Variants in MYO1E observed in about 807,000 individuals in gnomAD.
The protein encoded by MYO1E is unconventional myosin-Ie.
Under a neutral mutation model 151.1 loss-of-function variants are expected in MYO1E, and 68 were observed. The ratio of observed to expected loss-of-function variants is 0.45; its 90% CI spans 0.37 to 0.55. MYO1E has a LOEUF of 0.55. Ranked by LOEUF, MYO1E falls within the 20% of genes least tolerant of loss-of-function variation. MYO1E has a pLI of 0.00. For missense variants in MYO1E, 1,363 were observed against 1,389.3 expected (o/e 0.98, Z 0.30); for synonymous variants, 601 against 501.7 (o/e 1.20, Z -2.64).
chr15:59,354,371 C>T (rs10851651), intron 1 of MYO1E, among the ~76,000 whole-genome samples: 146,932 of 152,248 alleles, frequency 0.97, 71,112 homozygotes, highest in East Asian at 1. Flanking sequence ...CAGGAAATTT[C>T]ACATTCTGAA....
At chr15:59,325,794 G>T (rs1449741402) in intron 1 of MYO1E, among the ~76,000 whole-genome samples, 1 of 152,086 alleles carries the variant, frequency 6.6e-6, no homozygotes, top group African/African-American at 2.4e-5. Flanking sequence ...CATCTGTAGT[G>T]CTCAATGTCA....
Position 59,210,470 on chromosome 15 carries a change from G to A in MYO1E, c.1362+44C>T, listed in dbSNP as rs780798148. 4 of 1,305,338 alleles carry A rather than the reference G, an allele frequency of 3.1e-6. No homozygotes were observed. In the South Asian group the frequency reaches 3.5e-5, roughly 12 times the overall value. 80.9% of individuals were successfully genotyped at this position (1,305,338 alleles called of 1,614,324 possible). ...CACAGAGAATAAAAACTCACTTAAT[G>A]TAAACCTGTGAGCAGTGAAAAGACA... On this transcript the variant is annotated intron_variant, in intron 13 of 27. Transcript: ENST00000288235.
intron 1 of MYO1E, among the ~76,000 whole-genome samples, chr15:59,294,782 A>G (rs1409358735): frequency 1.3e-5 from 2 of 152,066 alleles, no homozygotes; most frequent in African/African-American, 4.8e-5. Flanking sequence ...TGCCAGTGCT[A>G]TTTCCCACAA....
chr15:59,182,464 C>A (rs1433384518), intron 18 of MYO1E, among the ~76,000 whole-genome samples: 5 of 152,132 alleles, frequency 3.3e-5, no homozygotes, highest in Admixed American at 6.6e-5. Flanking sequence ...CTGCCCACTG[C>A]GGCCTCCCAA....
chr15:59,307,816 G>A (rs571856057), intron 1 of MYO1E, among the ~76,000 whole-genome samples: 1 of 151,686 alleles, frequency 6.6e-6, no homozygotes, highest in Non-Finnish European at 1.5e-5. Flanking sequence ...CTCCATGTTG[G>A]TCAGGCTGGT....
chr15:59,188,710 T>C (rs888505576), intron 17 of MYO1E, among the ~76,000 whole-genome samples: 1 of 151,438 alleles, frequency 6.6e-6, no homozygotes, highest in Non-Finnish European at 1.5e-5. Flanking sequence ...ATAAAATAAA[T>C]ATAAATAAAT....
At chr15:59,296,352 C>A (rs2080448231) in intron 1 of MYO1E, among the ~76,000 whole-genome samples, 1 of 152,228 alleles carries the variant, frequency 6.6e-6, no homozygotes, top group Non-Finnish European at 1.5e-5. Context: ...ACATTCTTTT[C>A]TGTTCACTCA....
chr15:59,333,658 C>T (rs1567017519), intron 1 of MYO1E, among the ~76,000 whole-genome samples: 1 of 152,206 alleles, frequency 6.6e-6, no homozygotes, highest in Non-Finnish European at 1.5e-5. Context: ...GGTATCCTTC[C>T]TCTGAGCAAA....
At chr15:59,225,253 C>G (rs999427282) in intron 7 of MYO1E, among the ~76,000 whole-genome samples, 1 of 152,178 alleles carries the variant, frequency 6.6e-6, no homozygotes, top group Admixed American at 6.5e-5. Context: ...TGACTGTGAA[C>G]TTCTCCAAGC....
In MYO1E at chr15:59,135,806, T is replaced by C. The variant is rs1331293851; in HGVS notation, c.*1574A>G. ...CTCTAAGTTACCAGTAGCTTAAGAA[T>C]GGCTATGGCACCCAGAGGAGGAAAG... On this transcript the variant is annotated 3_prime_UTR_variant, in exon 28 of 28. Transcript: ENST00000288235. 3.9e-5 allele frequency: 6 copies of C among 152,212 alleles called. No homozygotes were observed. The highest frequency in any genetic ancestry group is 7.3e-5 in the Non-Finnish European group (5 of 68,046). 9.4% of individuals were successfully genotyped at this position (152,212 alleles called of 1,614,324 possible).
At chr15:59,301,715 T>C (rs189910645) in intron 1 of MYO1E, among the ~76,000 whole-genome samples, 6 of 151,998 alleles carry the variant, frequency 3.9e-5, no homozygotes, top group African/African-American at 1.5e-4. Flanking sequence ...TGGAGCCTGC[T>C]GGAGCCTGAA....
rs1324218736 is a variant in MYO1E, at chr15:59,172,057, G to A, written c.2335-15C>T. On this transcript the variant is annotated splice_polypyrimidine_tract_variant and intron_variant, in intron 21 of 27. Coordinates refer to ENST00000288235, the MANE Select transcript of MYO1E (RefSeq NM_004998.4). ...CGCTTTACACCCTGTAAGGAGAGGAGCTTTAAGAAGCTGGACAGGCCAGGC... is the reference window on the plus strand; with the variant it reads ...CGCTTTACACCCTGTAAGGAGAGGAACTTTAAGAAGCTGGACAGGCCAGGC... 2 of 1,613,010 alleles carry A rather than the reference G, an allele frequency of 1.2e-6. No individual in the cohort carries two copies. The highest frequency in any genetic ancestry group is 1.7e-6 in the Non-Finnish European group (2 of 1,179,980).
chr15:59,321,451 A>G (rs768736129), intron 1 of MYO1E, among the ~76,000 whole-genome samples: 1 of 152,258 alleles, frequency 6.6e-6, no homozygotes, highest in Non-Finnish European at 1.5e-5. Flanking sequence ...TCAACAGTGA[A>G]TTGGATAAAG....
rs35652210 is a variant in MYO1E, at chr15:59,201,109, A to ATT, written c.1698+1215_1698+1216dup. Among the ~76,000 whole-genome samples, 213 of 144,312 alleles carry ATT rather than the reference A, an allele frequency of 1.5e-3. 2 individuals carry two copies. The highest frequency in any genetic ancestry group is 6.9e-3 in the Middle Eastern group (2 of 288). The allele number at this position is 144,312 out of a possible 152,430, so 94.7% of individuals were successfully genotyped here. On this transcript the variant is annotated intron_variant, in intron 16 of 27. Coordinates refer to ENST00000288235, the MANE Select transcript of MYO1E (RefSeq NM_004998.4). ...TGTGTGTGACACAATGACAAAAACT[A>ATT]TTTTTTTTTTTTTTTGGAGACAGGG... is the stretch of plus-strand genomic sequence containing the variant.
intron 18 of MYO1E, among the ~76,000 whole-genome samples, chr15:59,185,306 C>T (rs1482850302): frequency 2.0e-5 from 3 of 151,968 alleles, no homozygotes; most frequent in Admixed American, 6.6e-5. Flanking sequence ...CTCACTCTGT[C>T]GCCCAGGCTG....
intron 14 of MYO1E, 30 bp downstream of exon 14, chr15:59,208,651 G>C: frequency 6.2e-7 from 1 of 1,613,362 alleles, no homozygotes; most frequent in Non-Finnish European, 8.5e-7. Context: ...GCTTAAAACA[G>C]ATAGACATTA....
At chr15:59,271,672 G>T (rs1457185972) in intron 2 of MYO1E, among the ~76,000 whole-genome samples, 2 of 152,186 alleles carry the variant, frequency 1.3e-5, no homozygotes, top group Non-Finnish European at 2.9e-5. Flanking sequence ...ACTGAAGAAC[G>T]TCAAGCATTT....
chr15:59,216,793 C>T (rs1239673286), intron 10 of MYO1E, among the ~76,000 whole-genome samples: 1 of 150,442 alleles, frequency 6.6e-6, no homozygotes, highest in East Asian at 1.9e-4. Context: ...ATATTCCTTC[C>T]TCTAAAAGGT....
At chr15:59,257,663 GA>G (rs1555414849) in intron 3 of MYO1E, among the ~76,000 whole-genome samples, 1 of 152,144 alleles carries the variant, frequency 6.6e-6, no homozygotes, top group Non-Finnish European at 1.5e-5. Context: ...GGGTTAGGAT[GA>G]GGGGGCTTTG....
Sources: allele counts gnomAD v4.1 joint callset (sites outside exome capture counted in the v4.1 genomes callset), GRCh38; gene constraint gnomAD v4.1.1; transcripts MANE v1.5; gene names NCBI Gene and HGNC (gene_info 2026-07-23, HGNC 2026-07-21).